The following NRIP1 variants were observed in gnomAD, a reference collection of about 807,000 sequenced individuals.
NRIP1 encodes the protein nuclear receptor-interacting protein 1.
Under a neutral mutation model 75.0 loss-of-function variants are expected in NRIP1, and 28 were observed. The ratio of observed to expected loss-of-function variants is 0.37; its 90% CI spans 0.28 to 0.51. The LOEUF (loss-of-function observed/expected upper bound fraction) is 0.51. Among genes scored for constraint, NRIP1 ranks in the 20% least tolerant of loss-of-function variants. NRIP1 has a pLI of 0.92. For missense variants in NRIP1, 1,435 were observed against 1,343.7 expected, an observed-to-expected ratio of 1.07 and a Z score of -1.06; for synonymous variants, 526 against 487.6, an observed-to-expected ratio of 1.08 and a Z score of -1.04.
intron 3 of NRIP1, among the ~76,000 whole-genome samples, chr21:15,013,128 AAAT>A (rs1187753217): frequency 1.1e-4 from 16 of 152,338 alleles, no homozygotes; most frequent in African/African-American, 3.8e-4. Context: ...TAGTATTTAC[AAAT>A]AATTGCGTCA....
intron 3 of NRIP1, among the ~76,000 whole-genome samples, chr21:14,982,878 G>A (rs1372473038): frequency 6.6e-6 from 1 of 151,844 alleles, no homozygotes. Flanking sequence ...ATCTGCTACG[G>A]TGATGTGTGA....
rs2086818200 is a variant in NRIP1 at position 14,968,351 on chromosome 21, T to C, written c.-159A>G. 1.6e-6 allele frequency: 1 copy of C among 620,878 alleles called. No homozygotes were observed. Among genetic ancestry groups the C allele is most frequent in the Non-Finnish European group, 2.9e-6 (1 of 348,224 alleles). 38.5% of individuals were successfully genotyped at this position (620,878 alleles called of 1,614,324 possible). A position where few individuals can be genotyped will look rare whatever the true frequency, so the allele number is the denominator to read the frequency against. The stretch of plus-strand genomic sequence containing the variant: ...GTTACATTCTGTCCAAGATTTCTTC[T>C]GGCAATGACAAGATAAATGCAGTCT... On this transcript the variant is annotated 5_prime_UTR_variant, in exon 4 of 4. Coordinates refer to ENST00000318948, the MANE Select transcript of NRIP1 (RefSeq NM_003489.4).
intron 3 of NRIP1, among the ~76,000 whole-genome samples, chr21:14,993,783 C>CA (rs540096507): frequency 0.012 from 1,640 of 142,382 alleles, 41 homozygotes; most frequent in East Asian, 0.081. Context: ...AGATATGTCT[C>CA]AAAAAAAAAA....
Position 15,037,576 on chromosome 21 carries a change from T to C in NRIP1, c.-458+5919A>G, listed in dbSNP as rs145600454. ...GCATTCATCAACCACTAGGAGAAAG[T>C]AGATGGGAGCACATGTTCCCTTCTG... On this transcript the variant is annotated intron_variant, in intron 2 of 3. Coordinates refer to ENST00000318948, the MANE Select transcript of NRIP1 (RefSeq NM_003489.4). Among the ~76,000 whole-genome samples, 6 of 152,160 alleles carry C rather than the reference T, an allele frequency of 3.9e-5. No homozygotes were observed. The South Asian group carries it at 6.2e-4, about 16-fold the overall frequency.
At chr21:15,014,289 TA>T in intron 3 of NRIP1, 54 bp downstream of exon 3, 2 of 394,784 alleles carry the variant, frequency 5.1e-6, no homozygotes, top group Non-Finnish European at 8.9e-6. Flanking sequence ...TTGTCTGAAA[TA>T]TATTAAAGTC....
chr21:14,973,320 A>C (rs2146969018), intron 3 of NRIP1, among the ~76,000 whole-genome samples: 1 of 152,224 alleles, frequency 6.6e-6, no homozygotes, highest in East Asian at 1.9e-4. Context: ...GAATTCTGCA[A>C]CTCTCATGAG....
At chr21:15,016,450 C>A (rs1163060130) in intron 2 of NRIP1, among the ~76,000 whole-genome samples, 1 of 152,148 alleles carries the variant, frequency 6.6e-6, no homozygotes, top group Non-Finnish European at 1.5e-5. Flanking sequence ...CGCCCATCTT[C>A]CCGTTATCAA....
intron 3 of NRIP1, among the ~76,000 whole-genome samples, chr21:14,973,558 T>C (rs2086963215): frequency 6.6e-6 from 1 of 152,138 alleles, no homozygotes; most frequent in South Asian, 2.1e-4. Flanking sequence ...AGTGGTTCCA[T>C]AAAATTTTGA....
intron 1 of NRIP1, among the ~76,000 whole-genome samples, chr21:15,057,736 A>C (rs892234147): frequency 1.3e-5 from 2 of 152,258 alleles, no homozygotes; most frequent in African/African-American, 4.8e-5. Context: ...CCATGTGACC[A>C]CAGGCAAGTT....
intron 3 of NRIP1, among the ~76,000 whole-genome samples, chr21:14,987,098 T>C (rs2087425771): frequency 6.6e-6 from 1 of 152,210 alleles, no homozygotes; most frequent in East Asian, 1.9e-4. Flanking sequence ...ATGAACTATC[T>C]TCCAAGGTGG....
At chr21:15,034,607 AAAATG>A (rs2088790268) in intron 2 of NRIP1, among the ~76,000 whole-genome samples, 2 of 152,178 alleles carry the variant, frequency 1.3e-5, no homozygotes, top group South Asian at 2.1e-4. Context: ...GATATTTGCA[AAAATG>A]AAATGAAAGA....
At chr21:14,991,980 G>A (rs551181627) in intron 3 of NRIP1, among the ~76,000 whole-genome samples, 4 of 151,720 alleles carry the variant, frequency 2.6e-5, no homozygotes, top group Non-Finnish European at 5.9e-5. Context: ...CCCTTTCTCT[G>A]ACCAACATTT....
intron 3 of NRIP1, among the ~76,000 whole-genome samples, chr21:14,981,948 G>C (rs1456101634): frequency 6.6e-6 from 1 of 150,978 alleles, no homozygotes; most frequent in Non-Finnish European, 1.5e-5. Flanking sequence ...GACTCCCCAG[G>C]ATCAAGCGAT....
intron 3 of NRIP1, among the ~76,000 whole-genome samples, chr21:14,977,640 C>CG (rs1416787968): frequency 6.6e-6 from 1 of 152,008 alleles, no homozygotes; most frequent in East Asian, 1.9e-4. Flanking sequence ...TGACATTTCA[C>CG]AGCAGGGAAT....
chr21:14,980,285 C>G (rs2087196132), intron 3 of NRIP1, among the ~76,000 whole-genome samples: 1 of 151,766 alleles, frequency 6.6e-6, no homozygotes, highest in African/African-American at 2.4e-5. Context: ...ACCAGCCTGG[C>G]CAACATGGTG....
chr21:14,972,718 T>C (rs968180184), intron 3 of NRIP1, among the ~76,000 whole-genome samples: 11 of 152,202 alleles, frequency 7.2e-5, no homozygotes, highest in African/African-American at 1.2e-4. Context: ...AATTTTTGCA[T>C]GGAGTAGCGG....
chr21:15,000,478 GA>G (rs529454002), intron 3 of NRIP1, among the ~76,000 whole-genome samples: 42 of 149,446 alleles, frequency 2.8e-4, no homozygotes, highest in South Asian at 6.3e-4. Context: ...AAATAAATAA[GA>G]AAAAAAAAGG....
At chr21:15,004,707 A>T (rs745527081) in intron 3 of NRIP1, among the ~76,000 whole-genome samples, 10 of 152,220 alleles carry the variant, frequency 6.6e-5, no homozygotes, top group Non-Finnish European at 1.2e-4. Flanking sequence ...ACTAAGATTA[A>T]TTTTTTTTCC....
rs757231524 is a variant in NRIP1, at chr21:14,964,941, T to C, written c.3252A>G (p.Thr1084=). 6 of 1,613,908 alleles carry C rather than the reference T, an allele frequency of 3.7e-6. No homozygotes were observed. The South Asian group carries it at 6.6e-5, about 18-fold the overall frequency. ...CCTCCCTCCAAATGTCCTTGTCTTG[T>C]GTTTCTCGACTGGTAACAGAATTGC... The part of the protein sequence containing the change: ...KGGNSVTSRE[T]QDKDIWREAS... Residue 1084 remains threonine, a synonymous_variant, in exon 4 of 4, where the codon ACA becomes ACG. Coordinates refer to ENST00000318948, the MANE Select transcript of NRIP1 (RefSeq NM_003489.4).
Sources: gnomAD v4.1 joint callset for allele counts (sites outside exome capture counted in the v4.1 genomes callset) on GRCh38, gnomAD v4.1.1 for gene constraint, MANE v1.5 for transcripts, NCBI Gene and HGNC (gene_info 2026-07-23, HGNC 2026-07-21) for gene names.